The following STX2 variants were observed in gnomAD, a reference collection of about 807,000 sequenced individuals.
STX2 encodes syntaxin 2.
In STX2, 27 loss-of-function variants were observed where a neutral mutation model predicts 40.6. The ratio of observed to expected loss-of-function variants is 0.66; its 90% CI spans 0.49 to 0.92. The LOEUF is 0.92. Among genes scored for constraint, STX2 ranks in the 40% least tolerant of loss-of-function variants. The pLI is 0.00. For synonymous variants in STX2, 123 were observed against 119.1 expected (o/e 1.03, Z -0.22); for missense variants, 328 against 366.1 (o/e 0.90, Z 0.85).
intron 4 of STX2, chr12:130,812,116 C>G (rs147335214): frequency 1.7e-5 from 4 of 240,914 alleles, no homozygotes; most frequent in Non-Finnish European, 3.3e-5. Context: ...AAGGGAGAAT[C>G]TCATTTTTAA....
intron 3 of STX2, among the ~76,000 whole-genome samples, chr12:130,818,508 GA>G (rs1951976814): frequency 6.6e-6 from 1 of 152,228 alleles, no homozygotes; most frequent in African/African-American, 2.4e-5. Flanking sequence ...GCCACACAGG[GA>G]TAACCGGTGG....
chr12:130,801,490 T>G lies in STX2; in HGVS notation c.464-2A>C, dbSNP rs1237295431. 1 of 1,597,872 alleles carries G rather than the reference T, an allele frequency of 6.3e-7. No homozygotes were observed. The highest frequency in any genetic ancestry group is 2.2e-5 in the East Asian group (1 of 44,634). On this transcript the variant is annotated splice_acceptor_variant, in intron 6 of 10. Coordinates refer to ENST00000392373, the MANE Select transcript of STX2 (RefSeq NM_194356.4). LOFTEE classifies it high-confidence loss of function. ...CGTCGTCTGTGGTGGTTCTCCCAGCTGAAAGACCCGCAACCACAGCCCCAC... is the reference window on the plus strand; with the variant it reads ...CGTCGTCTGTGGTGGTTCTCCCAGCGGAAAGACCCGCAACCACAGCCCCAC...
chr12:130,795,673 G>A (rs1383855633), intron 10 of STX2, among the ~76,000 whole-genome samples: 1 of 152,194 alleles, frequency 6.6e-6, no homozygotes, highest in African/African-American at 2.4e-5. Flanking sequence ...CCAGGAGGTC[G>A]AGGCTGCAGT....
chr12:130,805,986 G>A (rs893984808), intron 6 of STX2, among the ~76,000 whole-genome samples: 1 of 152,162 alleles, frequency 6.6e-6, no homozygotes, highest in Non-Finnish European at 1.5e-5. Flanking sequence ...GAGCAACACA[G>A]CAGACATGTA....
chr12:130,817,055 AT>A (rs1951884341), intron 3 of STX2, among the ~76,000 whole-genome samples: 2 of 152,206 alleles, frequency 1.3e-5, no homozygotes, highest in African/African-American at 4.8e-5. Flanking sequence ...ATTACTGCAA[AT>A]AATTCCAATA....
chr12:130,793,786 C>A (rs1034050631), intron 10 of STX2, among the ~76,000 whole-genome samples: 4 of 152,202 alleles, frequency 2.6e-5, no homozygotes, highest in Non-Finnish European at 5.9e-5. Context: ...CAGCAGCCAG[C>A]CCCAGGAAGG....
chr12:130,799,222 T>G (rs1484041109), intron 8 of STX2, among the ~76,000 whole-genome samples: 1 of 152,222 alleles, frequency 6.6e-6, no homozygotes, highest in Non-Finnish European at 1.5e-5. Flanking sequence ...CATTGAAGAA[T>G]GACGGAGAGT....
At position 130,830,791 on chromosome 12, in the gene STX2, T is replaced by C. The variant is rs369311664; in HGVS notation, c.31-3524A>G. On this transcript the variant is annotated intron_variant, in intron 1 of 10. Coordinates refer to ENST00000392373, the MANE Select transcript of STX2 (RefSeq NM_194356.4). ...CCATGTTCAGTCTTTCAGGCTGAGA[T>C]AGTGCAACAGCTGTACAACAGCCAT... Among the ~76,000 whole-genome samples the C allele has an allele frequency of 3.8e-3, 572 of 152,332 alleles. 2 individuals carry two copies. The highest frequency in any genetic ancestry group is 0.013 in the African/African-American group (539 of 41,576).
chr12:130,807,132 C>T (rs374448079), intron 5 of STX2, 42 bp from the exon 6 acceptor site: 2 of 1,578,678 alleles, frequency 1.3e-6, no homozygotes, highest in Non-Finnish European at 8.7e-7. Flanking sequence ...GAGGGCCATG[C>T]CTTCTACTGA....
chr12:130,831,766 TA>T (rs1952569339), intron 1 of STX2, among the ~76,000 whole-genome samples: 1 of 152,314 alleles, frequency 6.6e-6, no homozygotes, highest in African/African-American at 2.4e-5. Context: ...TATACTTTTT[TA>T]TTTTTTTGTA....
In STX2 at chr12:130,807,026, A is replaced by C; in HGVS notation, c.419T>G (p.Phe140Cys). The change falls in exon 6 of 11, where the codon TTT becomes TGT. Residue 140 changes from phenylalanine to cysteine, a missense_variant. Transcript: ENST00000392373. Reference sequence around the variant, plus strand: ...GATGCGGCCTTTGCTCCGCTCCCGAAACAGAGTCTGTGCCTCATTGTACTC... The same window carrying C: ...GATGCGGCCTTTGCTCCGCTCCCGACACAGAGTCTGTGCCTCATTGTACTC... ...MAEYNEAQTL[F>C]RERSKGRIQR... is the part of the protein sequence containing the mutation. 1 of 1,614,232 alleles carries C rather than the reference A, an allele frequency of 6.2e-7. No individual in the cohort carries two copies. Among genetic ancestry groups the C allele is most frequent in the South Asian group, 1.1e-5 (1 of 91,088 alleles).
intron 3 of STX2, among the ~76,000 whole-genome samples, chr12:130,817,200 C>T (rs114858580): frequency 0.022 from 3,392 of 151,246 alleles, 131 homozygotes; most frequent in African/African-American, 0.077. Flanking sequence ...AAGACACAGA[C>T]GTTAAAACAA....
chr12:130,806,892 G>T, intron 6 of STX2, 90 bp downstream of exon 6: 1 of 1,218,422 alleles, frequency 8.2e-7, no homozygotes, highest in Non-Finnish European at 1.2e-6. Context: ...AATAGACATG[G>T]ATTTCCTTTT....
chr12:130,834,854 A>G (rs1952703441), intron 1 of STX2, among the ~76,000 whole-genome samples: 1 of 152,260 alleles, frequency 6.6e-6, no homozygotes, highest in Admixed American at 6.5e-5. Context: ...TTTAAGTTCC[A>G]GTGAAGTTTT....
intron 3 of STX2, 34 bp from the exon 4 acceptor site, chr12:130,813,065 G>A: frequency 1.6e-6 from 2 of 1,260,666 alleles, no homozygotes; most frequent in Non-Finnish European, 1.1e-6. Flanking sequence ...ATAAAATACA[G>A]CATCTGAGCT....
intron 4 of STX2, 84 bp downstream of exon 4, chr12:130,812,872 TA>T: frequency 1.0e-6 from 1 of 966,030 alleles, no homozygotes; most frequent in South Asian, 1.5e-5. Flanking sequence ...TTTAAAAATG[TA>T]AAAGAACAAA....
At chr12:130,810,678 A>G (rs1174114075) in intron 4 of STX2, 1 of 152,252 alleles carries the variant, frequency 6.6e-6, no homozygotes, top group Non-Finnish European at 1.5e-5. Flanking sequence ...TAATGCAGCA[A>G]TGAAAACATC....
At chr12:130,821,185 G>C (rs1046868212) in intron 3 of STX2, among the ~76,000 whole-genome samples, 2 of 152,122 alleles carry the variant, frequency 1.3e-5, no homozygotes, top group African/African-American at 4.8e-5. Context: ...GGAGAATTTG[G>C]ATAAACAGGT....
intron 1 of STX2, among the ~76,000 whole-genome samples, chr12:130,832,693 G>T (rs1952614369): frequency 6.6e-6 from 1 of 152,180 alleles, no homozygotes; most frequent in African/African-American, 2.4e-5. Context: ...CCTTACACCA[G>T]GCCGTGGAGA....
Sources: gnomAD v4.1 joint callset for allele counts (sites outside exome capture counted in the v4.1 genomes callset) on GRCh38, gnomAD v4.1.1 for gene constraint, MANE v1.5 for transcripts, NCBI Gene and HGNC (gene_info 2026-07-23, HGNC 2026-07-21) for gene names.